LHFPL3: variants seen among roughly 807,000 people sequenced by gnomAD.
LHFPL3 encodes LHFPL tetraspan subfamily member 3, also known as LHFPL tetraspan subfamily member 3 protein.
LHFPL3 carries 5 observed loss-of-function variants against 19.3 expected under a neutral mutation model. The observed-to-expected ratio is 0.26, with a 90% confidence interval of 0.14 to 0.54. The LOEUF is 0.54. LHFPL3 is among the 20% of genes least tolerant of loss of function. The pLI, the probability that LHFPL3 is intolerant of heterozygous loss-of-function variation, is 0.94. For missense variants in LHFPL3, 249 were observed against 307.4 expected, an observed-to-expected ratio of 0.81 and a Z score of 1.42; for synonymous variants, 133 against 126.2, an observed-to-expected ratio of 1.05 and a Z score of -0.36.
At chr7:104,341,259 C>T (rs571362969) in intron 1 of LHFPL3, among the ~76,000 whole-genome samples, 1 of 152,134 alleles carries the variant, frequency 6.6e-6, no homozygotes, top group Non-Finnish European at 1.5e-5. Context: ...TTATGTTGTT[C>T]TATTTTTCAT....
intron 1 of LHFPL3, among the ~76,000 whole-genome samples, chr7:104,367,004 A>C (rs1314163275): frequency 2.0e-5 from 3 of 152,136 alleles, no homozygotes; most frequent in Non-Finnish European, 4.4e-5. Context: ...AATACTTCGC[A>C]GCTTACTTAT....
At chr7:104,418,115 A>G (rs952609746) in intron 1 of LHFPL3, among the ~76,000 whole-genome samples, 1 of 151,924 alleles carries the variant, frequency 6.6e-6, no homozygotes, top group Non-Finnish European at 1.5e-5. Context: ...ACCTCAGGTG[A>G]TCCACCTGCC....
chr7:104,349,662 G>A (rs1180366424), intron 1 of LHFPL3, among the ~76,000 whole-genome samples: 3 of 152,202 alleles, frequency 2.0e-5, no homozygotes, highest in Non-Finnish European at 4.4e-5. Flanking sequence ...CATAGCACGT[G>A]TATACCTGTG....
At chr7:104,679,941 A>C (rs972737923) in intron 1 of LHFPL3, among the ~76,000 whole-genome samples, 1 of 152,076 alleles carries the variant, frequency 6.6e-6, no homozygotes, top group Non-Finnish European at 1.5e-5. Flanking sequence ...CCCTAACTAC[A>C]TTCTCTCCCT....
chr7:104,713,192 T>C (rs969887678), intron 1 of LHFPL3, among the ~76,000 whole-genome samples: 2 of 152,196 alleles, frequency 1.3e-5, no homozygotes, highest in Non-Finnish European at 2.9e-5. Context: ...GGTACTAATA[T>C]TCTGGATTCA....
At chr7:104,603,110 CTTTCTTTCTTTCTTTCTTTCTTTT>C (rs1791011003) in intron 1 of LHFPL3, among the ~76,000 whole-genome samples, 1 of 130,866 alleles carries the variant, frequency 7.6e-6, no homozygotes, top group African/African-American at 2.9e-5. Context: ...TTCTTTCTTT[CTTTCTTTCTTTCTTTCTTTCTTTT>C]TTCCCTTCCT....
intron 2 of LHFPL3, among the ~76,000 whole-genome samples, chr7:104,880,954 A>C (rs1486334341): frequency 6.6e-6 from 1 of 152,106 alleles, no homozygotes; most frequent in African/African-American, 2.4e-5. Flanking sequence ...GTGAATCACG[A>C]GGTCAGGAGA....
At chr7:104,684,371 G>T (rs1290804344) in intron 1 of LHFPL3, among the ~76,000 whole-genome samples, 2 of 152,160 alleles carry the variant, frequency 1.3e-5, no homozygotes, top group East Asian at 3.8e-4. Context: ...AATATTTTAG[G>T]CTTTACAGGC....
At chr7:104,511,426 A>G (rs999609430) in intron 1 of LHFPL3, among the ~76,000 whole-genome samples, 5 of 152,326 alleles carry the variant, frequency 3.3e-5, no homozygotes, top group Admixed American at 2.6e-4. Context: ...AAACACTGAA[A>G]CATGCAATTA....
At chr7:104,514,183 GCT>G (rs370438746) in intron 1 of LHFPL3, among the ~76,000 whole-genome samples, 2 of 151,892 alleles carry the variant, frequency 1.3e-5, no homozygotes, top group South Asian at 2.1e-4. Context: ...GATTCAAGAA[GCT>G]CTCTCTCTCT....
chr7:104,616,556 A>G (rs1296951077), intron 1 of LHFPL3, among the ~76,000 whole-genome samples: 5 of 152,148 alleles, frequency 3.3e-5, no homozygotes, highest in Non-Finnish European at 1.5e-5. Context: ...CCTAGGCAAT[A>G]CCATTCAGGA....
intron 2 of LHFPL3, among the ~76,000 whole-genome samples, chr7:104,876,371 A>G: frequency 6.6e-6 from 1 of 152,228 alleles, no homozygotes; most frequent in East Asian, 1.9e-4. Context: ...AAATTTTTGC[A>G]TCTACTCATC....
intron 2 of LHFPL3, among the ~76,000 whole-genome samples, chr7:104,824,469 T>A (rs1288667243): frequency 4.5e-5 from 2 of 44,504 alleles, no homozygotes; most frequent in East Asian, 2.1e-3. Flanking sequence ...ATTTTATATA[T>A]AATATATAAT....
At chr7:104,745,351 C>T (rs931657016) in intron 2 of LHFPL3, among the ~76,000 whole-genome samples, 1 of 152,194 alleles carries the variant, frequency 6.6e-6, no homozygotes, top group Admixed American at 6.5e-5. Context: ...CAGAGATTTG[C>T]ACACTGTGAA....
chr7:104,597,843 T>C (rs774298704), intron 1 of LHFPL3, among the ~76,000 whole-genome samples: 21 of 152,196 alleles, frequency 1.4e-4, no homozygotes, highest in Non-Finnish European at 2.2e-4. Flanking sequence ...TTTACCCCAA[T>C]ATAAACTCAT....
At chr7:104,368,599 A>G (rs548756317) in intron 1 of LHFPL3, among the ~76,000 whole-genome samples, 1 of 150,980 alleles carries the variant, frequency 6.6e-6, no homozygotes, top group East Asian at 2.0e-4. Flanking sequence ...TCTGCCCCTG[A>G]CTTTCGGCCT....
chr7:104,713,326 A>C (rs1394464072), intron 1 of LHFPL3, among the ~76,000 whole-genome samples: 1 of 152,234 alleles, frequency 6.6e-6, no homozygotes, highest in Non-Finnish European at 1.5e-5. Flanking sequence ...CATTGCTATA[A>C]AGAACTACCT....
At chr7:104,737,804 C>G (rs551890008) in intron 2 of LHFPL3, among the ~76,000 whole-genome samples, 39 of 152,224 alleles carry the variant, frequency 2.6e-4, no homozygotes, top group African/African-American at 9.4e-4. Context: ...GCTCTTATTT[C>G]TAATTGGGAG....
At chr7:104,459,853 G>T (rs535436065) in intron 1 of LHFPL3, among the ~76,000 whole-genome samples, 4 of 152,242 alleles carry the variant, frequency 2.6e-5, no homozygotes, top group Non-Finnish European at 5.9e-5. Flanking sequence ...TGCTTGAACA[G>T]ATTTTTCTAA....
Sources: gnomAD v4.1 joint callset for allele counts (sites outside exome capture counted in the v4.1 genomes callset) on GRCh38, gnomAD v4.1.1 for gene constraint, MANE v1.5 for transcripts, NCBI Gene and HGNC (gene_info 2026-07-23, HGNC 2026-07-21) for gene names.